Variants in PDE7B observed in about 807,000 individuals in gnomAD.
PDE7B encodes the protein phosphodiesterase 7B.
PDE7B carries 29 observed loss-of-function variants against 56.2 expected under a neutral mutation model. The ratio of observed to expected loss-of-function variants is 0.52; its 90% confidence interval spans 0.38 to 0.70. PDE7B has a LOEUF of 0.70. PDE7B is among the 30% of genes least tolerant of loss of function. The pLI is 0.00. For missense variants in PDE7B, 490 were observed against 565.0 expected, an observed-to-expected ratio of 0.87 and a Z score of 1.35; for synonymous variants, 197 against 196.9, an observed-to-expected ratio of 1.00 and a Z score of 0.00.
intron 1 of PDE7B, 30 bp downstream of exon 1, chr6:135,852,049 C>T (rs536177653): frequency 1.3e-6 from 2 of 1,544,138 alleles, no homozygotes; most frequent in South Asian, 2.2e-5. Context: ...GCGGCAAGCT[C>T]AGTTTTCTTG....
chr6:136,014,626 T>C (rs1234385623), intron 2 of PDE7B, among the ~76,000 whole-genome samples: 1 of 152,194 alleles, frequency 6.6e-6, no homozygotes, highest in Non-Finnish European at 1.5e-5. Context: ...GGTGGCAGTA[T>C]TATTATCCCT....
intron 2 of PDE7B, among the ~76,000 whole-genome samples, chr6:135,985,878 G>A (rs1054048359): frequency 5.3e-5 from 8 of 152,234 alleles, no homozygotes; most frequent in East Asian, 3.9e-4. Context: ...CCTTGACAAC[G>A]TGTTTTCTGT....
chr6:136,145,930 C>T (rs1351013671), intron 3 of PDE7B, among the ~76,000 whole-genome samples: 1 of 152,120 alleles, frequency 6.6e-6, no homozygotes, highest in Non-Finnish European at 1.5e-5. Flanking sequence ...ATTTTATATC[C>T]ATTTATTTCT....
chr6:135,937,467 C>G (rs529116504), intron 1 of PDE7B, among the ~76,000 whole-genome samples: 7 of 152,308 alleles, frequency 4.6e-5, no homozygotes, highest in African/African-American at 1.4e-4. Context: ...TCCTCAATTG[C>G]CTTTAGAGTT....
chr6:136,111,785 G>A (rs1271813212), intron 3 of PDE7B, among the ~76,000 whole-genome samples: 1 of 152,160 alleles, frequency 6.6e-6, no homozygotes, highest in Non-Finnish European at 1.5e-5. Flanking sequence ...ATTCTACACT[G>A]TAAGAGCTGA....
intron 2 of PDE7B, among the ~76,000 whole-genome samples, chr6:135,986,244 T>C (rs946871387): frequency 6.6e-6 from 1 of 152,224 alleles, no homozygotes; most frequent in African/African-American, 2.4e-5. Context: ...ATGAGAGTAA[T>C]TTCAGTAACT....
At chr6:135,891,132 C>T (rs549722341) in intron 1 of PDE7B, among the ~76,000 whole-genome samples, 1 of 152,290 alleles carries the variant, frequency 6.6e-6, no homozygotes, top group African/African-American at 2.4e-5. Context: ...AGATTTTTCC[C>T]TCGGCATAAG....
intron 3 of PDE7B, chr6:136,117,003 C>T (rs2128442918): frequency 6.6e-6 from 1 of 152,192 alleles, no homozygotes; most frequent in South Asian, 2.1e-4. Flanking sequence ...CACCTCACTC[C>T]CTCATGATGG....
intron 2 of PDE7B, among the ~76,000 whole-genome samples, chr6:135,958,726 A>C (rs780588575): frequency 2.0e-5 from 3 of 152,124 alleles, no homozygotes; most frequent in Non-Finnish European, 4.4e-5. Flanking sequence ...TTTCTTTTTC[A>C]TATCTAATTG....
intron 2 of PDE7B, among the ~76,000 whole-genome samples, chr6:136,091,429 G>GCTTAT (rs1394706847): frequency 6.6e-6 from 1 of 152,182 alleles, no homozygotes; most frequent in Admixed American, 6.5e-5. Flanking sequence ...GTGGGCAAAA[G>GCTTAT]CTTATCTTTT....
At chr6:135,895,071 T>G (rs1775874228) in intron 1 of PDE7B, among the ~76,000 whole-genome samples, 1 of 151,800 alleles carries the variant, frequency 6.6e-6, no homozygotes, top group Non-Finnish European at 1.5e-5. Context: ...ATATAAGCAG[T>G]CAAATCAGAG....
intron 8 of PDE7B, among the ~76,000 whole-genome samples, chr6:136,166,700 C>G (rs945720500): frequency 3.9e-5 from 6 of 152,098 alleles, no homozygotes; most frequent in South Asian, 2.1e-4. Context: ...CCCCTCCCAC[C>G]AGGCCTCACC....
chr6:136,130,205 C>T (rs1167714275), intron 3 of PDE7B, among the ~76,000 whole-genome samples: 1 of 152,178 alleles, frequency 6.6e-6, no homozygotes, highest in African/African-American at 2.4e-5. Context: ...GCGCAACTCT[C>T]AAGCCCATAT....
rs1442455179 is a variant in PDE7B, at chr6:136,086,464, G to GGAACCC, written c.83-22266_83-22261dup. Among the ~76,000 whole-genome samples the GGAACCC allele has an allele frequency of 2.6e-5, 4 of 152,164 alleles. No individual in the cohort carries two copies. The East Asian group carries it at 5.8e-4, about 22-fold the overall frequency. ...GGAGGGGGGCTCCAAGCTGAATGAG[G>GGAACCC]GAACCCCCTTGTTAATGGTTTTTAA... On this transcript the variant is annotated intron_variant, in intron 2 of 12. Coordinates refer to ENST00000308191, the MANE Select transcript of PDE7B (RefSeq NM_018945.4).
intron 3 of PDE7B, 38 bp from the exon 4 acceptor site, chr6:136,147,313 T>A: frequency 6.7e-7 from 1 of 1,499,980 alleles, no homozygotes; most frequent in Non-Finnish European, 9.1e-7. Context: ...GGCTCTCTTT[T>A]AAATATATAA....
At chr6:136,021,286 C>G (rs1156851110) in intron 2 of PDE7B, among the ~76,000 whole-genome samples, 4 of 152,204 alleles carry the variant, frequency 2.6e-5, no homozygotes, top group Non-Finnish European at 5.9e-5. Context: ...GCAAATAACA[C>G]AAGAGCCGCT....
chr6:136,112,905 C>T lies in PDE7B; in HGVS notation c.166+4091C>T, dbSNP rs527977011. Reference sequence around the variant, plus strand: ...TGACTCTTGGTTTGCCTGGCATAGTCCTAGTTTGCACCTGTTGTTCAGGAG... The same window carrying T: ...TGACTCTTGGTTTGCCTGGCATAGTTCTAGTTTGCACCTGTTGTTCAGGAG... On this transcript the variant is annotated intron_variant, in intron 3 of 12. Coordinates refer to ENST00000308191, the MANE Select transcript of PDE7B (RefSeq NM_018945.4). 3.3e-5 allele frequency among the ~76,000 whole-genome samples: 5 copies of T among 152,216 alleles called. 1 individual carries two copies. The South Asian group carries it at 1.0e-3, about 32-fold the overall frequency.
intron 1 of PDE7B, among the ~76,000 whole-genome samples, chr6:135,940,418 A>G (rs1016657262): frequency 2.0e-5 from 3 of 152,214 alleles, no homozygotes; most frequent in African/African-American, 7.2e-5. Flanking sequence ...TTCATTTTGT[A>G]TCCACACTCA....
At chr6:136,005,122 A>C (rs1172240060) in intron 2 of PDE7B, among the ~76,000 whole-genome samples, 2 of 152,092 alleles carry the variant, frequency 1.3e-5, no homozygotes, top group African/African-American at 4.8e-5. Flanking sequence ...CCTATTTAAT[A>C]AATGGTGCTG....
Sources: allele counts gnomAD v4.1 joint callset (sites outside exome capture counted in the v4.1 genomes callset), GRCh38; gene constraint gnomAD v4.1.1; transcripts MANE v1.5; gene names NCBI Gene and HGNC (gene_info 2026-07-23, HGNC 2026-07-21).